The following CNTNAP5 variants were observed in gnomAD, a reference collection of about 807,000 sequenced individuals.
CNTNAP5 encodes contactin-associated protein-like 5.
CNTNAP5 carries 72 observed loss-of-function variants against 150.2 expected under a neutral mutation model. The ratio of observed to expected loss-of-function variants is 0.48; its 90% CI spans 0.40 to 0.58. The LOEUF is 0.58. CNTNAP5 is among the 20% of genes least tolerant of loss of function. The pLI, the probability that CNTNAP5 is intolerant of heterozygous loss-of-function variation, is 0.00. For missense variants in CNTNAP5, 1,636 were observed against 1,626.2 expected (o/e 1.01, Z -0.10); for synonymous variants, 672 against 619.8 (o/e 1.08, Z -1.25).
chr2:124,314,774 C>G (rs3738861), intron 3 of CNTNAP5, among the ~76,000 whole-genome samples: 1 of 152,058 alleles, frequency 6.6e-6, no homozygotes, highest in African/African-American at 2.4e-5. Flanking sequence ...TTCATCCATC[C>G]ATCCACTCCT....
chr2:124,351,826 A>G (rs1431825079), intron 3 of CNTNAP5, among the ~76,000 whole-genome samples: 1 of 152,214 alleles, frequency 6.6e-6, no homozygotes, highest in Non-Finnish European at 1.5e-5. Flanking sequence ...CTACCATATT[A>G]CTTATAACTT....
At chr2:124,859,216 AAAAC>A (rs1279022962) in intron 19 of CNTNAP5, among the ~76,000 whole-genome samples, 1 of 152,210 alleles carries the variant, frequency 6.6e-6, no homozygotes, top group African/African-American at 2.4e-5. Context: ...TTACAAGAAA[AAAAC>A]AAACAACCCC....
intron 11 of CNTNAP5, among the ~76,000 whole-genome samples, chr2:124,592,293 G>A (rs1424185987): frequency 1.3e-5 from 2 of 151,834 alleles, no homozygotes; most frequent in African/African-American, 4.8e-5. Flanking sequence ...GCTAGATATT[G>A]CTAAATTCCA....
chr2:124,599,843 C>A (rs1696940401), intron 11 of CNTNAP5, among the ~76,000 whole-genome samples: 4 of 152,094 alleles, frequency 2.6e-5, no homozygotes. Context: ...TTGGGGGGAG[C>A]TCCTTAAATA....
chr2:124,166,774 G>C, intron 1 of CNTNAP5, among the ~76,000 whole-genome samples: 1 of 152,084 alleles, frequency 6.6e-6, no homozygotes, highest in South Asian at 2.1e-4. Flanking sequence ...TATGAACAAA[G>C]ACTAACATGT....
At chr2:124,605,708 C>T (rs557103245) in intron 11 of CNTNAP5, among the ~76,000 whole-genome samples, 98 of 146,170 alleles carry the variant, frequency 6.7e-4, no homozygotes, top group African/African-American at 2.3e-3. Context: ...CCCAGCTACT[C>T]GGGAGGCTGA....
At chr2:124,122,425 T>C (rs1266334837) in intron 1 of CNTNAP5, among the ~76,000 whole-genome samples, 2 of 152,172 alleles carry the variant, frequency 1.3e-5, no homozygotes, top group Admixed American at 6.5e-5. Context: ...AAAGTGCTCA[T>C]CTCCATGGTA....
At chr2:124,170,589 A>G (rs1001892105) in intron 1 of CNTNAP5, among the ~76,000 whole-genome samples, 10 of 152,142 alleles carry the variant, frequency 6.6e-5, no homozygotes, top group Non-Finnish European at 8.8e-5. Context: ...CCTTTTAAGG[A>G]GTGCCCTGGG....
chr2:124,448,079 T>C (rs1312877705), intron 6 of CNTNAP5, among the ~76,000 whole-genome samples: 1 of 151,924 alleles, frequency 6.6e-6, no homozygotes, highest in African/African-American at 2.4e-5. Context: ...CCATCCTGGC[T>C]AACATGGTGA....
At chr2:124,470,645 G>C (rs893937213) in intron 6 of CNTNAP5, among the ~76,000 whole-genome samples, 27 of 152,066 alleles carry the variant, frequency 1.8e-4, no homozygotes, top group Admixed American at 6.5e-5. Flanking sequence ...CTTTGCCTGT[G>C]CCTATGTCCT....
At position 124,025,374 on chromosome 2, in the gene CNTNAP5, G is replaced by T; in HGVS notation, c.-277G>T. ...TTCTAATTGGGTTTGGATTTGCACC[G>T]TTAAGGAGGGGGGAAGAGAAGGAAG... is the stretch of plus-strand genomic sequence containing the variant. On this transcript the variant is annotated 5_prime_UTR_variant, in exon 1 of 24. Coordinates refer to ENST00000682447, the MANE Select transcript of CNTNAP5 (RefSeq NM_001367498.1). 3 of 493,436 alleles carry T rather than the reference G, an allele frequency of 6.1e-6. No individual in the cohort carries two copies. The highest frequency in any genetic ancestry group is 4.4e-5 in the South Asian group (2 of 45,806). 30.6% of individuals were successfully genotyped at this position (493,436 alleles called of 1,614,324 possible). A position where few individuals can be genotyped will look rare whatever the true frequency, so the allele number is the denominator to read the frequency against.
In CNTNAP5 at chr2:124,434,572, C is replaced by T. The variant is rs367708864; in HGVS notation, c.618C>T (p.Ser206=). ...KLMSTLKDVI[S]LKFKSMQGDG... ...TGAGTACTCTCAAAGATGTGATCTC[C>T]CTGAAGTTCAAGAGCATGCAAGGAG... Residue 206 remains serine (S), a synonymous_variant, in exon 5 of 24, where the codon TCC becomes TCT. Transcript: ENST00000682447. 1.5e-5 allele frequency: 25 copies of T among 1,613,822 alleles called. No individual in the cohort carries two copies. Among genetic ancestry groups the T allele is most frequent in the Middle Eastern group, 1.6e-4 (1 of 6,084 alleles).
At chr2:124,655,866 A>G (rs1678432613) in intron 13 of CNTNAP5, among the ~76,000 whole-genome samples, 1 of 151,026 alleles carries the variant, frequency 6.6e-6, no homozygotes. Context: ...GTGCTACTGC[A>G]CTCCAGCCTC....
chr2:124,347,760 T>TG (rs1367393123), intron 3 of CNTNAP5, among the ~76,000 whole-genome samples: 1 of 152,160 alleles, frequency 6.6e-6, no homozygotes, highest in East Asian at 1.9e-4. Context: ...AATATGTAAG[T>TG]GTGTATGTGT....
rs373418629 is a variant in CNTNAP5 at position 124,580,044 on chromosome 2, A to G, written c.1756+16721A>G. On this transcript the variant is annotated intron_variant, in intron 11 of 23. Transcript: ENST00000682447. The stretch of plus-strand genomic sequence containing the variant: ...TTTGTTTGTTTGTTTGTTCCATCAT[A>G]AGGAGGCACCCTCTACTCTAACTTT... 9.9e-5 allele frequency among the ~76,000 whole-genome samples: 15 copies of G among 152,210 alleles called. No individual in the cohort carries two copies. In the East Asian group the frequency reaches 2.9e-3, roughly 29 times the overall value.
At chr2:124,077,596 C>T (rs925500497) in intron 1 of CNTNAP5, among the ~76,000 whole-genome samples, 16 of 152,316 alleles carry the variant, frequency 1.1e-4, no homozygotes, top group East Asian at 1.9e-4. Context: ...CCATTTGTCA[C>T]ACAGGGTCAG....
chr2:124,573,549 T>C (rs10445861), intron 11 of CNTNAP5, among the ~76,000 whole-genome samples: 78,589 of 152,124 alleles, frequency 0.52, 20,609 homozygotes, highest in East Asian at 0.71. Flanking sequence ...GAATATAATT[T>C]AATTGCTGAT....
At chr2:124,216,475 G>C (rs1307844423) in intron 1 of CNTNAP5, among the ~76,000 whole-genome samples, 1 of 151,840 alleles carries the variant, frequency 6.6e-6, no homozygotes, top group Admixed American at 6.6e-5. Flanking sequence ...TGCCATGTTG[G>C]TGTGCTGCAC....
intron 1 of CNTNAP5, among the ~76,000 whole-genome samples, chr2:124,148,694 T>G (rs1347965032): frequency 6.0e-5 from 9 of 150,848 alleles, no homozygotes; most frequent in African/African-American, 2.2e-4. Context: ...ATATATGCAC[T>G]ATTGCATATA....
Sources: allele counts gnomAD v4.1 joint callset (sites outside exome capture counted in the v4.1 genomes callset), GRCh38; gene constraint gnomAD v4.1.1; transcripts MANE v1.5; gene names NCBI Gene and HGNC (gene_info 2026-07-23, HGNC 2026-07-21).